The following SNX18 variants were observed in gnomAD, a reference collection of about 807,000 sequenced individuals.
SNX18 encodes sorting nexin 18, also known as sorting nexin-18.
SNX18 carries 35 observed loss-of-function variants against 48.7 expected under a neutral mutation model. The ratio of observed to expected loss-of-function variants is 0.72; its 90% confidence interval spans 0.55 to 0.95. The LOEUF (loss-of-function observed/expected upper bound fraction) is 0.95. Among genes scored for constraint, SNX18 ranks in the 40% least tolerant of loss-of-function variants. SNX18 has a pLI of 0.00. For synonymous variants in SNX18, 492 were observed against 384.7 expected (o/e 1.28, Z -3.26); for missense variants, 824 against 871.0 (o/e 0.95, Z 0.68).
At chr5:54,599,289 T>G in the SNX18 span, among the ~76,000 whole-genome samples, 1 of 152,076 alleles carries the variant, frequency 6.6e-6, no homozygotes, top group African/African-American at 2.4e-5. Context: ...ATGAAGGACC[T>G]CTTCAAGGAG....
chr5:54,518,402 C>T lies in SNX18; in HGVS notation c.450C>T (p.Ser150=), dbSNP rs971709082. 2 of 1,584,900 alleles carry T rather than the reference C, an allele frequency of 1.3e-6. No homozygotes were observed. Among genetic ancestry groups the T allele is most frequent in the East Asian group, 2.3e-5 (1 of 42,860 alleles). The part of the protein sequence containing the change: ...LYGGYQASQG[S]DDDWDDEWDD... ...GCGGCTACCAGGCCAGCCAAGGCAG[C>T]GATGATGACTGGGACGACGAGTGGG... Residue 150 remains serine, a synonymous_variant, in exon 1 of 2, where the codon AGC becomes AGT. Coordinates refer to ENST00000381410, the MANE Select transcript of SNX18 (RefSeq NM_001102575.2).
the SNX18 span, among the ~76,000 whole-genome samples, chr5:54,593,107 A>G: frequency 6.6e-6 from 1 of 152,172 alleles, no homozygotes; most frequent in Non-Finnish European, 1.5e-5. Flanking sequence ...GGCCCCACAA[A>G]TATATTATTG....
chr5:54,533,005 T>C (rs1305880588), intron 1 of SNX18, among the ~76,000 whole-genome samples: 1 of 152,192 alleles, frequency 6.6e-6, no homozygotes, highest in Non-Finnish European at 1.5e-5. Context: ...TAGAATATTA[T>C]AACAATGCTT....
Position 54,517,979 on chromosome 5 carries a change from C to A in SNX18, c.27C>A (p.Tyr9Ter). The A allele has an allele frequency of 6.5e-7, 1 of 1,534,792 alleles. No individual in the cohort carries two copies. Among genetic ancestry groups the A allele is most frequent in the South Asian group, 1.2e-5 (1 of 83,458 alleles). ...TGGCGCTGCGCGCCCGGGCGCTGTA[C>A]GACTTCAGGTCGGAGAACCCAGGAG... MALRARAL[Y>*]DFRSENPGEI... The change falls in exon 1 of 2, where the codon TAC (tyrosine) becomes TAA (stop). Residue 9 changes from tyrosine to a stop codon, truncating the protein, a stop_gained. Transcript: ENST00000381410. LOFTEE classifies it high-confidence loss of function.
the SNX18 span, among the ~76,000 whole-genome samples, chr5:54,588,756 G>C: frequency 1.3e-5 from 2 of 152,092 alleles, no homozygotes; most frequent in Admixed American, 1.3e-4. Context: ...CATTTTATCA[G>C]ACCAGCCACT....
In SNX18 at chr5:54,518,386, A is replaced by G. The variant is rs868332723; in HGVS notation, c.434A>G (p.Gln145Arg). Reference sequence around the variant, plus strand: ...CCTCAGCAGCTCTACGGCGGCTACCAGGCCAGCCAAGGCAGCGATGATGAC... The same window carrying G: ...CCTCAGCAGCTCTACGGCGGCTACCGGGCCAGCCAAGGCAGCGATGATGAC... The part of the protein sequence containing the change: ...PSPQQLYGGY[Q>R]ASQGSDDDWD... Residue 145 changes from glutamine (Q) to arginine (R), a missense_variant, in exon 1 of 2, where the codon CAG (glutamine) becomes CGG (arginine). Physicochemically the swap from Gln to Arg is conservative, Grantham distance 43 (BLOSUM62 1). This residue lies in a region of SNX18 where 377 missense variants were observed against 350.6 expected (regional missense o/e 1.08). Transcript: ENST00000381410. The G allele has an allele frequency of 6.3e-7, 1 of 1,575,802 alleles. No individual in the cohort carries two copies. The highest frequency in any genetic ancestry group is 8.6e-7 in the Non-Finnish European group (1 of 1,162,268).
chr5:54,553,447 CCCT>C, the SNX18 span, among the ~76,000 whole-genome samples: 25 of 152,244 alleles, frequency 1.6e-4, no homozygotes, highest in African/African-American at 5.8e-4. Context: ...AGCAACAGGT[CCCT>C]CCTCTGTATT....
chr5:54,535,356 G>T (rs1003193667), intron 1 of SNX18, among the ~76,000 whole-genome samples: 1 of 152,184 alleles, frequency 6.6e-6, no homozygotes, highest in Non-Finnish European at 1.5e-5. Flanking sequence ...CTGAGCTTGG[G>T]AAATTGCACT....
chr5:54,603,094 A>C, the SNX18 span, among the ~76,000 whole-genome samples: 1 of 152,264 alleles, frequency 6.6e-6, no homozygotes, highest in Admixed American at 6.5e-5. Flanking sequence ...TCATCAACCA[A>C]TTATTACACA....
the SNX18 span, among the ~76,000 whole-genome samples, chr5:54,574,888 A>G: frequency 6.6e-6 from 1 of 152,194 alleles, no homozygotes; most frequent in Non-Finnish European, 1.5e-5. Flanking sequence ...ATTTTTAGAC[A>G]TTCATCAAGA....
chr5:54,596,104 A>G, the SNX18 span, among the ~76,000 whole-genome samples: 2 of 152,152 alleles, frequency 1.3e-5, no homozygotes, highest in Non-Finnish European at 2.9e-5. Context: ...GTCCCTTGTC[A>G]TTTCCAGATA....
At chr5:54,582,822 C>T in the SNX18 span, among the ~76,000 whole-genome samples, 1 of 142,586 alleles carries the variant, frequency 7.0e-6, no homozygotes, top group African/African-American at 2.5e-5. Flanking sequence ...AAAAGTTAAA[C>T]ACATAACTTA....
the SNX18 span, among the ~76,000 whole-genome samples, chr5:54,640,731 A>T: frequency 6.6e-6 from 1 of 152,142 alleles, no homozygotes; most frequent in Admixed American, 6.5e-5. Flanking sequence ...GGGGTAATCA[A>T]GACTTGGGAA....
chr5:54,525,077 T>C (rs1368669042), intron 1 of SNX18, among the ~76,000 whole-genome samples: 1 of 152,214 alleles, frequency 6.6e-6, no homozygotes, highest in Admixed American at 6.5e-5. Flanking sequence ...GGAGGGCCAG[T>C]GTGTGGGCAT....
At chr5:54,612,531 G>T in the SNX18 span, among the ~76,000 whole-genome samples, 1 of 152,156 alleles carries the variant, frequency 6.6e-6, no homozygotes, top group Admixed American at 6.5e-5. Flanking sequence ...CCAAAGTGCT[G>T]GGATTACAGG....
intron 1 of SNX18, among the ~76,000 whole-genome samples, chr5:54,521,710 C>CA (rs1402776712): frequency 1.3e-5 from 2 of 151,826 alleles, no homozygotes; most frequent in Non-Finnish European, 2.9e-5. Context: ...GTGTCCAAAA[C>CA]AAAAAATATA....
chr5:54,616,494 C>G, the SNX18 span, among the ~76,000 whole-genome samples: 7 of 152,082 alleles, frequency 4.6e-5, no homozygotes, highest in Non-Finnish European at 1.0e-4. Flanking sequence ...GCATCTTGGC[C>G]AGGCACGGTG....
In SNX18 at chr5:54,518,366, G is replaced by A; in HGVS notation, c.414G>A (p.Gln138=). The part of the protein sequence containing the change: ...YGGGALQPSP[Q]QLYGGYQASQ... ...GGGGCGCCCTGCAGCCGTCGCCTCA[G>A]CAGCTCTACGGCGGCTACCAGGCCA... is the stretch of plus-strand genomic sequence containing the variant. The change falls in exon 1 of 2, where the codon CAG becomes CAA. Residue 138 remains glutamine (Q), a synonymous_variant. Coordinates refer to ENST00000381410, the MANE Select transcript of SNX18 (RefSeq NM_001102575.2). 6.4e-7 allele frequency: 1 copy of A among 1,556,848 alleles called. No individual in the cohort carries two copies. The highest frequency in any genetic ancestry group is 8.7e-7 in the Non-Finnish European group (1 of 1,153,240).
chr5:54,625,601 C>G, the SNX18 span, among the ~76,000 whole-genome samples: 1 of 152,120 alleles, frequency 6.6e-6, no homozygotes. Context: ...AGGGTGGCAT[C>G]CCATTGCTTT....
Sources: allele counts gnomAD v4.1 joint callset (sites outside exome capture counted in the v4.1 genomes callset), GRCh38; gene constraint gnomAD v4.1.1; regional missense constraint gnomAD v4.1.1; transcripts MANE v1.5; gene names NCBI Gene and HGNC (gene_info 2026-07-23, HGNC 2026-07-21).